Variants in SLC35F2 observed in about 807,000 individuals in gnomAD.
SLC35F2 encodes the protein queuine/queuosine transporter SLC35F2.
In SLC35F2, 25 loss-of-function variants were observed where a neutral mutation model predicts 38.1. The ratio of observed to expected loss-of-function variants is 0.66; its 90% CI spans 0.48 to 0.92. The LOEUF (loss-of-function observed/expected upper bound fraction) is 0.92, where lower values mean the gene tolerates loss of function less well. Ranked by LOEUF, SLC35F2 falls within the 40% of genes least tolerant of loss-of-function variation. The pLI is 0.00. For synonymous variants in SLC35F2, 173 were observed against 181.7 expected, an observed-to-expected ratio of 0.95 and a Z score of 0.38; for missense variants, 409 against 452.9, an observed-to-expected ratio of 0.90 and a Z score of 0.88.
At position 107,827,666 on chromosome 11, in the gene SLC35F2, T is replaced by G. The variant is rs150915024; in HGVS notation, c.111-11701A>C. On this transcript the variant is annotated intron_variant, in intron 1 of 7. Coordinates refer to ENST00000525815, the MANE Select transcript of SLC35F2 (RefSeq NM_017515.5). ...CGGAAGGCTGAGGCAAGAGAATCAC[T>G]AGAACCCAGGAGGCAGTGGTTGCAG... is the stretch of plus-strand genomic sequence containing the variant. 4.3e-4 allele frequency among the ~76,000 whole-genome samples: 65 copies of G among 151,086 alleles called. 1 individual carries two copies. Among genetic ancestry groups the G allele is most frequent in the African/African-American group, 1.5e-3 (63 of 41,082 alleles).
At chr11:107,835,433 C>CT (rs34100475) in intron 1 of SLC35F2, among the ~76,000 whole-genome samples, 23,599 of 148,770 alleles carry the variant, frequency 0.16, 3,126 homozygotes, top group African/African-American at 0.37. Flanking sequence ...CCCACAGTGA[C>CT]TTTTTTTTTT....
chr11:107,855,423 C>T (rs1353919618), intron 1 of SLC35F2, among the ~76,000 whole-genome samples: 2 of 151,956 alleles, frequency 1.3e-5, no homozygotes, highest in East Asian at 1.9e-4. Context: ...GAGGCCGAGG[C>T]GGGCGGATCA....
In SLC35F2 at chr11:107,803,162, A is replaced by G. The variant is rs756146616; in HGVS notation, c.785-7T>C. Reference sequence around the variant, plus strand: ...AATGCCACGAACAGCAGGGCTGTGGAAAAAAACATGGAATATCTAATATTA... The same window carrying G: ...AATGCCACGAACAGCAGGGCTGTGGGAAAAAACATGGAATATCTAATATTA... On this transcript the variant is annotated splice_polypyrimidine_tract_variant and splice_region_variant and intron_variant, in intron 6 of 7. Coordinates refer to ENST00000525815, the MANE Select transcript of SLC35F2 (RefSeq NM_017515.5). The G allele has an allele frequency of 6.9e-6, 11 of 1,591,998 alleles. No homozygotes were observed. The East Asian group carries it at 1.8e-4, about 26-fold the overall frequency.
chr11:107,805,086 C>T, intron 5 of SLC35F2: 1 of 985,394 alleles, frequency 1.0e-6, no homozygotes. Context: ...ACTAAAAAAA[C>T]TCCTTACTGG....
intron 2 of SLC35F2, among the ~76,000 whole-genome samples, chr11:107,815,384 T>TAA (rs1469547170): frequency 7.8e-6 from 1 of 128,180 alleles, no homozygotes; most frequent in African/African-American, 3.6e-5. Flanking sequence ...AACCCATCTC[T>TAA]AAAATAAAAA....
At position 107,809,460 on chromosome 11, in the gene SLC35F2, CAAA is replaced by C. The variant is rs775009107; in HGVS notation, c.414+2204_414+2206del. Among the ~76,000 whole-genome samples the C allele has an allele frequency of 3.9e-3, 410 of 106,150 alleles. 3 individuals carry two copies. Among genetic ancestry groups the C allele is most frequent in the African/African-American group, 0.01 (288 of 27,942 alleles). 69.6% of individuals were successfully genotyped at this position (106,150 alleles called of 152,430 possible). A position where few individuals can be genotyped will look rare whatever the true frequency, so the allele number is the denominator to read the frequency against. ...TCGGTGACAGAATGAGACTCCACCTCAAAAAAAAAAAAAAAAAAAAAATTAGCC... is the reference window on the plus strand; with the variant it reads ...TCGGTGACAGAATGAGACTCCACCTCAAAAAAAAAAAAAAAAAAATTAGCC... On this transcript the variant is annotated intron_variant, in intron 3 of 7. Coordinates refer to ENST00000525815, the MANE Select transcript of SLC35F2 (RefSeq NM_017515.5).
intron 1 of SLC35F2, among the ~76,000 whole-genome samples, chr11:107,818,090 A>AAGAG: frequency 1.6e-5 from 2 of 124,930 alleles, no homozygotes; most frequent in Middle Eastern, 7.7e-3. Context: ...GAAAGAAAGA[A>AAGAG]AGAAAGAAAG....
intron 1 of SLC35F2, 179 bp downstream of exon 1, chr11:107,858,479 C>G (rs11603925): frequency 0.44 from 208,768 of 477,794 alleles, 46,159 homozygotes; most frequent in Admixed American, 0.55. Flanking sequence ...TGCTTCCCGA[C>G]GCCAGGTGAA....
chr11:107,821,342 G>A (rs1218880503), intron 1 of SLC35F2: 1 of 916,396 alleles, frequency 1.1e-6, no homozygotes, highest in East Asian at 1.2e-4. Flanking sequence ...CTAAAAAAAG[G>A]AGAGTCACAA....
intron 3 of SLC35F2, chr11:107,810,944 CT>C (rs200185982): frequency 0.013 from 12,862 of 971,936 alleles, 156 homozygotes; most frequent in East Asian, 0.072. Flanking sequence ...CTGATACACA[CT>C]TTTTTTTATT....
chr11:107,822,319 A>G (rs1334337578), intron 1 of SLC35F2, among the ~76,000 whole-genome samples: 3 of 152,248 alleles, frequency 2.0e-5, no homozygotes, highest in Non-Finnish European at 4.4e-5. Flanking sequence ...CTTAAAATGT[A>G]TATCGTAACC....
chr11:107,858,778 G>A lies in SLC35F2; in HGVS notation c.-11C>T. 1 of 1,254,324 alleles carries A rather than the reference G, an allele frequency of 8.0e-7. No homozygotes were observed. The highest frequency in any genetic ancestry group is 1.0e-6 in the Non-Finnish European group (1 of 991,468). The allele number at this position is 1,254,324 out of a possible 1,614,324, so 77.7% of individuals were successfully genotyped here. On this transcript the variant is annotated 5_prime_UTR_variant, in exon 1 of 8. Coordinates refer to ENST00000525815, the MANE Select transcript of SLC35F2 (RefSeq NM_017515.5). ...CGAGTCTGCCTCCATCGGCGCCCTT[G>A]CGCGTCTCCGGCGCCCAAAACCCCC...
chr11:107,812,199 C>T (rs1424360224), intron 2 of SLC35F2, among the ~76,000 whole-genome samples: 1 of 152,156 alleles, frequency 6.6e-6, no homozygotes, highest in Non-Finnish European at 1.5e-5. Context: ...AGCTACCACG[C>T]CTGGCTATTG....
chr11:107,835,379 C>A (rs1859914584), intron 1 of SLC35F2, among the ~76,000 whole-genome samples: 1 of 151,948 alleles, frequency 6.6e-6, no homozygotes, highest in Admixed American at 6.6e-5. Context: ...TTTCCCTTCC[C>A]TGCTTAGTGG....
Position 107,791,974 on chromosome 11 carries a change from C to T in SLC35F2, c.*641G>A, listed in dbSNP as rs1231015681. The T allele has an allele frequency of 6.6e-6, 1 of 152,134 alleles. No individual in the cohort carries two copies. Among genetic ancestry groups the T allele is most frequent in the Non-Finnish European group, 1.5e-5 (1 of 68,098 alleles). 9.4% of individuals were successfully genotyped at this position (152,134 alleles called of 1,614,324 possible). On this transcript the variant is annotated 3_prime_UTR_variant, in exon 8 of 8. Transcript: ENST00000525815. ...CACCACTGCACTCTAGACTCTGCATCTCAAACAAACAAAAAAACAATTGTG... is the reference window on the plus strand; with the variant it reads ...CACCACTGCACTCTAGACTCTGCATTTCAAACAAACAAAAAAACAATTGTG...
chr11:107,844,356 G>A (rs1052443691), intron 1 of SLC35F2, among the ~76,000 whole-genome samples: 4 of 152,114 alleles, frequency 2.6e-5, no homozygotes, highest in African/African-American at 4.8e-5. Flanking sequence ...GGCCAGCCAC[G>A]GTGGCTCCCG....
At chr11:107,836,016 C>T (rs772684845) in intron 1 of SLC35F2, among the ~76,000 whole-genome samples, 5 of 152,170 alleles carry the variant, frequency 3.3e-5, no homozygotes, top group African/African-American at 7.2e-5. Context: ...CCCAGCAAAG[C>T]GGACAGCATT....
chr11:107,845,463 G>A (rs1356895410), intron 1 of SLC35F2, among the ~76,000 whole-genome samples: 1 of 151,952 alleles, frequency 6.6e-6, no homozygotes, highest in African/African-American at 2.4e-5. Context: ...CGAAGCTGCA[G>A]GGAGCCATGT....
chr11:107,856,485 AG>A (rs1392455812), intron 1 of SLC35F2, among the ~76,000 whole-genome samples: 1 of 152,186 alleles, frequency 6.6e-6, no homozygotes, highest in African/African-American at 2.4e-5. Flanking sequence ...ACTTGAGGTC[AG>A]GAGTTCAAGA....
Sources: allele counts gnomAD v4.1 joint callset (sites outside exome capture counted in the v4.1 genomes callset), GRCh38; gene constraint gnomAD v4.1.1; transcripts MANE v1.5; gene names NCBI Gene and HGNC (gene_info 2026-07-23, HGNC 2026-07-21).